Variants in PLA2G4D observed in about 807,000 individuals in gnomAD.
PLA2G4D encodes the protein phospholipase A2 group IVD.
A neutral mutation model predicts 94.4 loss-of-function variants in PLA2G4D; 80 were observed. The observed-to-expected ratio is 0.85, with a 90% CI of 0.71 to 1.02. The LOEUF is 1.02. PLA2G4D is among the 50% of genes least tolerant of loss of function. The probability of loss-of-function intolerance (pLI) is 0.00; values close to 1 mark genes in which losing one functional copy is unlikely to be tolerated. For synonymous variants in PLA2G4D, 438 were observed against 440.9 expected (o/e 0.99, Z 0.08); for missense variants, 1,050 against 1,034.7 (o/e 1.01, Z -0.20).
At chr15:42,069,037 C>G in intron 19 of PLA2G4D, 96 bp from the exon 20 acceptor site, 1 of 1,032,438 alleles carries the variant, frequency 9.7e-7, no homozygotes, top group Non-Finnish European at 1.4e-6. Context: ...TGGAGGGGCC[C>G]CTGCTTTCCT....
At chr15:42,089,582 G>A (rs904004780) in intron 1 of PLA2G4D, among the ~76,000 whole-genome samples, 6 of 152,220 alleles carry the variant, frequency 3.9e-5, no homozygotes, top group Non-Finnish European at 5.9e-5. Flanking sequence ...GTCAGCAGCA[G>A]AGATTTCATG....
intron 1 of PLA2G4D, among the ~76,000 whole-genome samples, chr15:42,093,003 C>G (rs1351634009): frequency 6.6e-6 from 1 of 152,160 alleles, no homozygotes; most frequent in Non-Finnish European, 1.5e-5. Flanking sequence ...GGCACAGCCC[C>G]AGGCCCTGCA....
rs1595590767 is a variant in PLA2G4D, at chr15:42,072,332, G to A, written c.1378C>T (p.Pro460Ser). ...AALERGQNPL[P>S]LYLSLNVKEN... Reference sequence around the variant, plus strand: ...TTGACATTGAGGCTCAAGTAGAGGGGCAGAGGGTTCTGACCCCGTTCCAGG... The same window carrying A: ...TTGACATTGAGGCTCAAGTAGAGGGACAGAGGGTTCTGACCCCGTTCCAGG... The change falls in exon 14 of 20, where the codon CCC becomes TCC. Residue 460 changes from proline (P) to serine (S), a missense_variant. Pro to Ser is a moderately conservative substitution (Grantham distance 74). Coordinates refer to ENST00000290472, the MANE Select transcript of PLA2G4D (RefSeq NM_178034.4). 3.7e-6 allele frequency: 6 copies of A among 1,613,734 alleles called. No individual in the cohort carries two copies. The African/African-American group carries it at 6.7e-5, about 18-fold the overall frequency.
At chr15:42,081,977 G>T in intron 9 of PLA2G4D, 143 bp from the exon 10 acceptor site, 1 of 1,078,582 alleles carries the variant, frequency 9.3e-7, no homozygotes, top group Non-Finnish European at 1.3e-6. Context: ...TGTTGCTCAG[G>T]CTGGAGTGCA....
At chr15:42,087,524 G>A in intron 2 of PLA2G4D, 88 bp from the exon 3 acceptor site, 2 of 1,604,704 alleles carry the variant, frequency 1.2e-6, no homozygotes, top group Non-Finnish European at 1.7e-6. Flanking sequence ...GACCCTGGCG[G>A]TCACCGCAGG....
intron 19 of PLA2G4D, among the ~76,000 whole-genome samples, chr15:42,069,321 G>T (rs947902556): frequency 2.0e-5 from 3 of 152,110 alleles, no homozygotes; most frequent in Non-Finnish European, 2.9e-5. Flanking sequence ...AGAGATGAAG[G>T]TTCTTTAGAA....
Position 42,070,878 on chromosome 15 carries a change from G to A in PLA2G4D, c.1882C>T (p.Gln628Ter). The A allele has an allele frequency of 1.2e-6, 2 of 1,611,274 alleles. No individual in the cohort carries two copies. Among genetic ancestry groups the A allele is most frequent in the Non-Finnish European group, 1.7e-6 (2 of 1,178,962 alleles). Residue 628 changes from glutamine (Q) to a stop codon, truncating the protein, a stop_gained, in exon 18 of 20, where the codon CAG becomes TAG. Coordinates refer to ENST00000290472, the MANE Select transcript of PLA2G4D (RefSeq NM_178034.4). LOFTEE classifies it high-confidence loss of function. ...AGCTGGCTGGGCATGGAGTCAAGCTGGTAGTCTGGTGGGAATCGCAGGATG... is the reference window on the plus strand; with the variant it reads ...AGCTGGCTGGGCATGGAGTCAAGCTAGTAGTCTGGTGGGAATCGCAGGATG... ...HKDFSTWADYQLDSMPSQLTP... is the reference protein window; with the variant it reads ...HKDFSTWADY
Position 42,070,061 on chromosome 15 carries a change from C to T in PLA2G4D, c.2078G>A (p.Arg693Gln), listed in dbSNP as rs536421602. 11 of 1,521,324 alleles carry T rather than the reference C, an allele frequency of 7.2e-6. No homozygotes were observed. Among genetic ancestry groups the T allele is most frequent in the Middle Eastern group, 2.0e-4 (1 of 4,922 alleles). 94.2% of individuals were successfully genotyped at this position (1,521,324 alleles called of 1,614,324 possible). ...LQQTELYCRA[R>Q]GLPFPRVEPS... ...TTCCACCCGGGGGAAGGGCAGCCCC[C>T]GGGCCCGGCAGTACAGCTCCGTCTG... Residue 693 changes from arginine (R) to glutamine (Q), a missense_variant, in exon 19 of 20, where the codon CGG becomes CAG. Arg to Gln is a conservative substitution (Grantham distance 43, BLOSUM62 1). Coordinates refer to ENST00000290472, the MANE Select transcript of PLA2G4D (RefSeq NM_178034.4).
Position 42,086,194 on chromosome 15 carries a change from T to TTGGGGGGGGGGCGCC in PLA2G4D, c.387+18_387+19insGGCGCCCCCCCCCCA. 4.4e-6 allele frequency: 6 copies of TTGGGGGGGGGGCGCC among 1,370,436 alleles called. No homozygotes were observed. The highest frequency in any genetic ancestry group is 5.8e-6 in the Non-Finnish European group (6 of 1,043,076). 84.9% of individuals were successfully genotyped at this position (1,370,436 alleles called of 1,614,324 possible). On this transcript the variant is annotated intron_variant, in intron 4 of 19. Coordinates refer to ENST00000290472, the MANE Select transcript of PLA2G4D (RefSeq NM_178034.4). ...GGAAGAAGTGGGGCCCACGGGGACT[T>TTGGGGGGGGGGCGCC]CCCCACCCACCCACCCACCTGGGGA... is the stretch of plus-strand genomic sequence containing the variant.
intron 19 of PLA2G4D, among the ~76,000 whole-genome samples, chr15:42,069,448 G>A (rs1004641922): frequency 3.9e-5 from 6 of 152,172 alleles, no homozygotes; most frequent in Admixed American, 1.3e-4. Flanking sequence ...CCACCAGAAG[G>A]AAATAAAATT....
At position 42,083,913 on chromosome 15, in the gene PLA2G4D, C is replaced by T. The variant is rs1673889821; in HGVS notation, c.472-134G>A. 3.6e-6 allele frequency: 3 copies of T among 823,638 alleles called. 1 individual carries two copies. Among genetic ancestry groups the T allele is most frequent in the South Asian group, 3.2e-5 (2 of 62,578 alleles). 51.0% of individuals were successfully genotyped at this position (823,638 alleles called of 1,614,324 possible). On this transcript the variant is annotated intron_variant, in intron 6 of 19. Coordinates refer to ENST00000290472, the MANE Select transcript of PLA2G4D (RefSeq NM_178034.4). ...TTGTGTGGGCTCAGGATGGGATTGG[C>T]TGCAGAGGCCCTTCATCCCATTGCC... is the stretch of plus-strand genomic sequence containing the variant.
In PLA2G4D at chr15:42,079,646, T is replaced by A; in HGVS notation, c.1208A>T (p.Glu403Val). Residue 403 changes from glutamate to valine, a missense_variant, in exon 13 of 20, where the codon GAG becomes GTG. Glu to Val is a moderately radical substitution (Grantham distance 121, BLOSUM62 -2). Coordinates refer to ENST00000290472, the MANE Select transcript of PLA2G4D (RefSeq NM_178034.4). ...AKSKLEVFSP[E>V]RLASYRRELE... is the part of the protein sequence containing the mutation. The stretch of plus-strand genomic sequence containing the variant: ...CTCCCGGCGGTAGCTCGCCAGGCGC[T>A]CTGGGGAAAAGACCTCCAGCTTGCT... 1 of 1,613,020 alleles carries A rather than the reference T, an allele frequency of 6.2e-7. No homozygotes were observed. Among genetic ancestry groups the A allele is most frequent in the Non-Finnish European group, 8.5e-7 (1 of 1,179,510 alleles).
At chr15:42,071,655 T>TCCCCCCCCCCCCC in intron 15 of PLA2G4D, 104 bp from the exon 16 acceptor site, 1 of 1,178,988 alleles carries the variant, frequency 8.5e-7, no homozygotes, top group Non-Finnish European at 1.2e-6. Context: ...CTACAATGCA[T>TCCCCCCCCCCCCC]CCCCCCCGCC....
rs1169960193 is a variant in PLA2G4D, at chr15:42,085,491, G to A, written c.428C>T (p.Thr143Met). The A allele has an allele frequency of 6.8e-6, 11 of 1,614,052 alleles. No individual in the cohort carries two copies. Among genetic ancestry groups the A allele is most frequent in the South Asian group, 3.3e-5 (3 of 91,078 alleles). ...CCCTGGGCTGTGTGACATTACTCAC[G>A]TTTCTTCCATCAGGAACTCCACATC... ...ELDVEFLMEE[T>M]SDRPENLITN... The change falls in exon 5 of 20, where the codon ACG (threonine) becomes ATG (methionine). Residue 143 changes from threonine to methionine, a missense_variant and splice_region_variant. Transcript: ENST00000290472.
chr15:42,079,966 A>C (rs150454490), intron 12 of PLA2G4D, among the ~76,000 whole-genome samples: 88 of 152,362 alleles, frequency 5.8e-4, no homozygotes, highest in African/African-American at 2.1e-3. Flanking sequence ...CGGAATTTTA[A>C]ATTTCCTAGT....
At position 42,069,987 on chromosome 15, in the gene PLA2G4D, C is replaced by A; in HGVS notation, c.2152G>T (p.Asp718Tyr). The change falls in exon 19 of 20, where the codon GAC becomes TAC. Residue 718 changes from aspartate (D) to tyrosine (Y), a missense_variant. Coordinates refer to ENST00000290472, the MANE Select transcript of PLA2G4D (RefSeq NM_178034.4). ...ATCGGGGCCTCGGGGCAGGCGGGGT[C>A]TGAGAAGAGGTGGCATTCCCTTGGC... The part of the protein sequence containing the change: ...HQPRECHLFS[D>Y]PACPEAPILL... 1 of 1,487,324 alleles carries A rather than the reference C, an allele frequency of 6.7e-7. No individual in the cohort carries two copies. The highest frequency in any genetic ancestry group is 8.9e-7 in the Non-Finnish European group (1 of 1,123,322). 92.1% of individuals were successfully genotyped at this position (1,487,324 alleles called of 1,614,324 possible).
At chr15:42,072,740 T>C (rs1889852436) in intron 13 of PLA2G4D, among the ~76,000 whole-genome samples, 1 of 152,142 alleles carries the variant, frequency 6.6e-6, no homozygotes, top group African/African-American at 2.4e-5. Flanking sequence ...CATGCACACA[T>C]CCACGTATTG....
In PLA2G4D at chr15:42,071,304, C is replaced by T. The variant is rs761976007; in HGVS notation, c.1695G>A (p.Leu565=). ...GCCGCGAGGAGGTCCCCGAGGTGGT[C>T]AGGGGCTCCTTCTCTGAAGCCAGAG... is the stretch of plus-strand genomic sequence containing the variant. The part of the protein sequence containing the change: ...DKTRSLEKEP[L]TTSGTSSRLE... Residue 565 remains leucine (L), a synonymous_variant, in exon 17 of 20, where the codon CTG becomes CTA. Transcript: ENST00000290472. 75 of 1,585,294 alleles carry T rather than the reference C, an allele frequency of 4.7e-5. No individual in the cohort carries two copies. Among genetic ancestry groups the T allele is most frequent in the Non-Finnish European group, 5.6e-5 (66 of 1,169,578 alleles).
rs1250969079 is a variant in PLA2G4D, at chr15:42,084,871, T to C, written c.471+225A>G. The stretch of plus-strand genomic sequence containing the variant: ...CCCCGAACAGCCGTGGGCCAGAACC[T>C]CCTCTCAGCAGAGCCCTGCCTCCCC... On this transcript the variant is annotated intron_variant, in intron 6 of 19. Transcript: ENST00000290472. This position sits in a 1 kb window ranked among gnomAD's most constrained non-coding sequence, Gnocchi z 4.8. Among the ~76,000 whole-genome samples the C allele has an allele frequency of 1.3e-5, 2 of 152,172 alleles. No homozygotes were observed. Among genetic ancestry groups the C allele is most frequent in the South Asian group, 2.1e-4 (1 of 4,820 alleles).
Sources: allele counts gnomAD v4.1 joint callset (sites outside exome capture counted in the v4.1 genomes callset), GRCh38; gene constraint gnomAD v4.1.1; non-coding constraint Gnocchi (gnomAD v3.1); transcripts MANE v1.5; gene names NCBI Gene and HGNC (gene_info 2026-07-23, HGNC 2026-07-21).